The following CA10 variants were observed in gnomAD, a reference collection of about 807,000 sequenced individuals.
The protein encoded by CA10 is carbonic anhydrase 10 (inactive), also known as carbonic anhydrase-related protein 10.
Under a neutral mutation model 44.2 loss-of-function variants are expected in CA10, and 14 were observed. That is an observed-to-expected ratio of 0.32 (90% CI 0.21 to 0.50). CA10 has a LOEUF of 0.50. Ranked by LOEUF, CA10 falls within the 20% of genes least tolerant of loss-of-function variation. The probability of loss-of-function intolerance (pLI) is 0.99; values close to 1 mark genes in which losing one functional copy is unlikely to be tolerated. For missense variants in CA10, 350 were observed against 409.7 expected (o/e 0.85, Z 1.26); for synonymous variants, 159 against 141.6 (o/e 1.12, Z -0.87).
At chr17:52,130,990 A>G (rs927155857) in intron 1 of CA10, among the ~76,000 whole-genome samples, 3 of 152,316 alleles carry the variant, frequency 2.0e-5, no homozygotes, top group Non-Finnish European at 4.4e-5. Flanking sequence ...TTTTAAAAAT[A>G]AGAATGTGAG....
In CA10 at chr17:51,722,595, C is replaced by T. The variant is rs146130654; in HGVS notation, c.465+25038G>A. ...CCTCAGGGCCCCCTGTCCCCTTGCT[C>T]CTTTACCAAAATTAACAGTGTGCCA... On this transcript the variant is annotated intron_variant, in intron 4 of 8. Transcript: ENST00000451037. Among the ~76,000 whole-genome samples, 17 of 152,314 alleles carry T rather than the reference C, an allele frequency of 1.1e-4. No homozygotes were observed. In the South Asian group the frequency reaches 1.2e-3, roughly 11 times the overall value.
chr17:51,666,422 C>A (rs145051425), intron 4 of CA10, among the ~76,000 whole-genome samples: 2 of 152,132 alleles, frequency 1.3e-5, no homozygotes, highest in Non-Finnish European at 2.9e-5. Flanking sequence ...GGGGGTTGTA[C>A]GTGCAGGGGT....
chr17:51,783,565 C>T (rs563656480), intron 3 of CA10, among the ~76,000 whole-genome samples: 74 of 151,860 alleles, frequency 4.9e-4, no homozygotes, highest in Non-Finnish European at 1.5e-5. Context: ...TTTTTCTATT[C>T]CCTATACTGA....
chr17:51,658,769 G>A (rs935863817), intron 4 of CA10, among the ~76,000 whole-genome samples: 4 of 152,204 alleles, frequency 2.6e-5, no homozygotes, highest in Non-Finnish European at 4.4e-5. Flanking sequence ...TCTCTCTGGT[G>A]TGGAGGAGGG....
intron 3 of CA10, among the ~76,000 whole-genome samples, chr17:51,780,541 C>A (rs1276090053): frequency 6.6e-6 from 1 of 152,070 alleles, no homozygotes; most frequent in Non-Finnish European, 1.5e-5. Context: ...TAAGTGAGAG[C>A]CCAATATATT....
rs550401442 is a variant in CA10, at chr17:51,853,283, C to A, written c.279+77707G>T. ...TACTGCAGTGATCTAATGCTGAAAG[C>A]CTTGGCATTGCCACCCGGTGTCCCT... On this transcript the variant is annotated intron_variant, in intron 3 of 8. Coordinates refer to ENST00000451037, the MANE Select transcript of CA10 (RefSeq NM_020178.5). Among the ~76,000 whole-genome samples, 3 of 152,276 alleles carry A rather than the reference C, an allele frequency of 2.0e-5. No individual in the cohort carries two copies. The South Asian group carries it at 6.2e-4, about 32-fold the overall frequency.
chr17:51,809,467 G>A (rs906742908), intron 3 of CA10, among the ~76,000 whole-genome samples: 1 of 152,212 alleles, frequency 6.6e-6, no homozygotes, highest in African/African-American at 2.4e-5. Flanking sequence ...AAGGTTAAAT[G>A]ACTTGTCTCT....
chr17:51,835,331 G>A (rs987171703), intron 3 of CA10, among the ~76,000 whole-genome samples: 4 of 152,172 alleles, frequency 2.6e-5, no homozygotes, highest in Non-Finnish European at 5.9e-5. Flanking sequence ...GGAGTATACG[G>A]TTGAGAAGAG....
At chr17:51,815,822 A>C (rs1193451730) in intron 3 of CA10, among the ~76,000 whole-genome samples, 1 of 151,984 alleles carries the variant, frequency 6.6e-6, no homozygotes, top group Non-Finnish European at 1.5e-5. Context: ...TATAAATATA[A>C]TGGGATACAC....
chr17:51,646,839 G>C (rs1913359300), intron 6 of CA10, among the ~76,000 whole-genome samples: 1 of 152,186 alleles, frequency 6.6e-6, no homozygotes, highest in Non-Finnish European at 1.5e-5. Context: ...TCATGAATCG[G>C]CCATCATTAT....
intron 1 of CA10, among the ~76,000 whole-genome samples, chr17:52,118,868 G>T (rs778204854): frequency 3.3e-5 from 5 of 152,028 alleles, no homozygotes; most frequent in Non-Finnish European, 7.4e-5. Context: ...CTGTTCAAAA[G>T]ATGGTTTATA....
intron 2 of CA10, among the ~76,000 whole-genome samples, chr17:52,004,649 G>A (rs1394886407): frequency 6.6e-6 from 1 of 151,826 alleles, no homozygotes; most frequent in Non-Finnish European, 1.5e-5. Context: ...TAGTACACAT[G>A]ACATTATCTT....
intron 2 of CA10, among the ~76,000 whole-genome samples, chr17:52,036,563 G>A (rs1986624073): frequency 6.6e-6 from 1 of 152,070 alleles, no homozygotes; most frequent in South Asian, 2.1e-4. Context: ...GTGAGGGGAG[G>A]AAATTCCAGG....
At chr17:51,738,773 T>C (rs1314768488) in intron 4 of CA10, among the ~76,000 whole-genome samples, 1 of 152,208 alleles carries the variant, frequency 6.6e-6, no homozygotes, top group East Asian at 1.9e-4. Context: ...TCAGGCTCTA[T>C]TTGCTCTATG....
At chr17:52,074,500 A>G (rs1301354508) in intron 1 of CA10, among the ~76,000 whole-genome samples, 1 of 152,196 alleles carries the variant, frequency 6.6e-6, no homozygotes, top group African/African-American at 2.4e-5. Flanking sequence ...TCATCAAACA[A>G]TTTAAACCAT....
chr17:51,703,385 T>C (rs926427825), intron 4 of CA10, among the ~76,000 whole-genome samples: 1 of 152,144 alleles, frequency 6.6e-6, no homozygotes, highest in Non-Finnish European at 1.5e-5. Context: ...TATTCCAAAC[T>C]GGGAGTGTCC....
chr17:52,098,930 T>A (rs1988470844), intron 1 of CA10, among the ~76,000 whole-genome samples: 1 of 152,212 alleles, frequency 6.6e-6, no homozygotes, highest in Non-Finnish European at 1.5e-5. Context: ...CTTTAGGTAC[T>A]GAGACAAAGT....
intron 2 of CA10, among the ~76,000 whole-genome samples, chr17:52,071,701 C>G (rs1013817086): frequency 5.3e-5 from 8 of 152,096 alleles, no homozygotes; most frequent in African/African-American, 1.9e-4. Flanking sequence ...TTTCTCTTGC[C>G]TCGCTTTACT....
chr17:51,953,171 T>C (rs1042033653), intron 2 of CA10, among the ~76,000 whole-genome samples: 6 of 152,176 alleles, frequency 3.9e-5, no homozygotes, highest in Non-Finnish European at 8.8e-5. Flanking sequence ...GTTTTTACAT[T>C]GAAATATTTG....
Sources: allele counts gnomAD v4.1 joint callset (sites outside exome capture counted in the v4.1 genomes callset), GRCh38; gene constraint gnomAD v4.1.1; transcripts MANE v1.5; gene names NCBI Gene and HGNC (gene_info 2026-07-23, HGNC 2026-07-21).